Variants in STXBP5L observed in about 807,000 individuals in gnomAD.
The protein encoded by STXBP5L is syntaxin binding protein 5L.
In STXBP5L, 65 loss-of-function variants were observed where a neutral mutation model predicts 144.5. The ratio of observed to expected loss-of-function variants is 0.45; its 90% CI spans 0.37 to 0.55. The LOEUF is 0.55. STXBP5L is among the 20% of genes least tolerant of loss of function. The probability of loss-of-function intolerance (pLI) is 0.00; values close to 1 mark genes in which losing one functional copy is unlikely to be tolerated. For synonymous variants in STXBP5L, 505 were observed against 469.6 expected, an observed-to-expected ratio of 1.08 and a Z score of -0.97; for missense variants, 1,298 against 1,405.5, an observed-to-expected ratio of 0.92 and a Z score of 1.22.
At chr3:120,964,431 T>TG (rs2107758019) in intron 3 of STXBP5L, among the ~76,000 whole-genome samples, 1 of 152,138 alleles carries the variant, frequency 6.6e-6, no homozygotes, top group South Asian at 2.1e-4. Context: ...ATACCCTCTA[T>TG]ACACTGCTTA....
At chr3:120,996,212 G>C (rs1943334617) in intron 3 of STXBP5L, among the ~76,000 whole-genome samples, 1 of 151,800 alleles carries the variant, frequency 6.6e-6, no homozygotes, top group African/African-American at 2.4e-5. Context: ...GCTTAATTAT[G>C]ATGTGCCTTG....
At chr3:121,397,601 C>T (rs963192622) in intron 22 of STXBP5L, among the ~76,000 whole-genome samples, 2 of 152,100 alleles carry the variant, frequency 1.3e-5, no homozygotes, top group Non-Finnish European at 2.9e-5. Context: ...CCACTTGAAG[C>T]GGTACTTTCA....
In STXBP5L at chr3:121,166,847, CAG is replaced by C. The variant is rs372886944; in HGVS notation, c.877+9222_877+9223del. Among the ~76,000 whole-genome samples, 3 of 152,048 alleles carry C rather than the reference CAG, an allele frequency of 2.0e-5. No homozygotes were observed. The East Asian group carries it at 5.8e-4, about 29-fold the overall frequency. On this transcript the variant is annotated intron_variant, in intron 9 of 26. Coordinates refer to ENST00000471454, the MANE Select transcript of STXBP5L (RefSeq NM_001308330.2). The stretch of plus-strand genomic sequence containing the variant: ...ATCTGCAACTTATTCTCAAATAGCT[CAG>C]AAGTGAAATAATAGCATATAAAGAG...
chr3:121,031,628 C>G (rs1946376736), intron 3 of STXBP5L, among the ~76,000 whole-genome samples: 1 of 151,970 alleles, frequency 6.6e-6, no homozygotes. Flanking sequence ...GAAGGGTAAC[C>G]TGCTGTATTC....
At chr3:120,979,164 G>T (rs1014631103) in intron 3 of STXBP5L, among the ~76,000 whole-genome samples, 1 of 152,212 alleles carries the variant, frequency 6.6e-6, no homozygotes, top group East Asian at 1.9e-4. Context: ...AGCCTACAGA[G>T]GCAGGCAGGC....
intron 18 of STXBP5L, among the ~76,000 whole-genome samples, chr3:121,265,557 A>C (rs571967797): frequency 3.8e-4 from 58 of 152,316 alleles, no homozygotes; most frequent in African/African-American, 1.4e-3. Context: ...TCACAATAAA[A>C]AGAGCTAGAA....
At chr3:120,944,538 A>G (rs1236552169) in intron 2 of STXBP5L, among the ~76,000 whole-genome samples, 1 of 151,764 alleles carries the variant, frequency 6.6e-6, no homozygotes, top group African/African-American at 2.4e-5. Flanking sequence ...TTATTCTTTT[A>G]ACAATTTAAT....
intron 9 of STXBP5L, among the ~76,000 whole-genome samples, chr3:121,191,122 A>G (rs1577166801): frequency 6.6e-6 from 1 of 152,086 alleles, no homozygotes; most frequent in Admixed American, 6.5e-5. Flanking sequence ...GACACTCCTC[A>G]CTTTCTAGAC....
At chr3:121,090,375 C>T (rs766255615) in intron 5 of STXBP5L, among the ~76,000 whole-genome samples, 16 of 152,094 alleles carry the variant, frequency 1.1e-4, no homozygotes, top group Non-Finnish European at 1.8e-4. Flanking sequence ...CCTCTTTTAC[C>T]CCTCTTACAA....
rs534150505 is a variant in STXBP5L, at chr3:121,130,749, A to G, written c.669+9045A>G. Among the ~76,000 whole-genome samples the G allele has an allele frequency of 7.2e-5, 11 of 152,306 alleles. No homozygotes were observed. The South Asian group carries it at 2.1e-3, about 29-fold the overall frequency. On this transcript the variant is annotated intron_variant, in intron 7 of 26. Coordinates refer to ENST00000471454, the MANE Select transcript of STXBP5L (RefSeq NM_001308330.2). ...ATGAATAATGACACGATAATTTAAA[A>G]TTCAGAAAAATTTTCTTCCACTTGA...
At chr3:120,930,523 A>G (rs1709875565) in intron 2 of STXBP5L, among the ~76,000 whole-genome samples, 1 of 152,068 alleles carries the variant, frequency 6.6e-6, no homozygotes. Flanking sequence ...TGGTTATAAA[A>G]TCCTTGACTT....
At chr3:121,084,412 G>A (rs776394007) in intron 5 of STXBP5L, among the ~76,000 whole-genome samples, 4 of 151,942 alleles carry the variant, frequency 2.6e-5, no homozygotes, top group East Asian at 1.9e-4. Flanking sequence ...CTTCTTCCAC[G>A]TGTTTTCATT....
intron 12 of STXBP5L, among the ~76,000 whole-genome samples, chr3:121,236,862 G>A (rs923091591): frequency 6.6e-6 from 1 of 152,218 alleles, no homozygotes; most frequent in Non-Finnish European, 1.5e-5. Context: ...AGGTAAAAAT[G>A]GTTGTATAGG....
At chr3:120,969,065 G>T (rs1264423872) in intron 3 of STXBP5L, among the ~76,000 whole-genome samples, 2 of 152,184 alleles carry the variant, frequency 1.3e-5, no homozygotes, top group Admixed American at 6.5e-5. Context: ...TCAGTAGTGG[G>T]ATTGCTAGAT....
At chr3:121,187,103 A>T (rs1329352909) in intron 9 of STXBP5L, among the ~76,000 whole-genome samples, 1 of 152,188 alleles carries the variant, frequency 6.6e-6, no homozygotes, top group Non-Finnish European at 1.5e-5. Flanking sequence ...TGCTATAAAG[A>T]CACATGCACA....
intron 2 of STXBP5L, among the ~76,000 whole-genome samples, chr3:120,938,875 G>T (rs1031009030): frequency 1.4e-4 from 21 of 152,036 alleles, no homozygotes; most frequent in African/African-American, 5.1e-4. Flanking sequence ...CGAACTCCTG[G>T]GTTGAAGGGA....
rs751896123 is a variant in STXBP5L at position 120,954,941 on chromosome 3, C to G, written c.191C>G (p.Thr64Arg). 18 of 1,610,900 alleles carry G rather than the reference C, an allele frequency of 1.1e-5. No individual in the cohort carries two copies. The highest frequency in any genetic ancestry group is 1.7e-5 in the Admixed American group (1 of 59,632). ...TTGGTATTATTTGCTCTCTTTCAGA[C>G]AGTTCGGCATGGTTTTCCTCATCAG... ...LTSEYFQICK[T>R]VRHGFPHQPT... The change falls in exon 3 of 27, where the codon ACA (threonine) becomes AGA (arginine). Residue 64 changes from threonine (T) to arginine (R), a missense_variant and splice_region_variant. Thr to Arg is a moderately conservative substitution (Grantham distance 71, BLOSUM62 -1). Transcript: ENST00000471454.
intron 24 of STXBP5L, among the ~76,000 whole-genome samples, chr3:121,414,053 A>C (rs1267801194): frequency 6.6e-6 from 1 of 152,186 alleles, no homozygotes; most frequent in Non-Finnish European, 1.5e-5. Flanking sequence ...GTAAGAATTC[A>C]TATAAAAGAC....
intron 5 of STXBP5L, among the ~76,000 whole-genome samples, chr3:121,085,387 G>C (rs927754583): frequency 2.0e-5 from 3 of 152,112 alleles, no homozygotes; most frequent in Non-Finnish European, 4.4e-5. Flanking sequence ...ACCTGTCTCT[G>C]TTTGAAGATA....
Sources: allele counts gnomAD v4.1 joint callset (sites outside exome capture counted in the v4.1 genomes callset), GRCh38; gene constraint gnomAD v4.1.1; transcripts MANE v1.5; gene names NCBI Gene and HGNC (gene_info 2026-07-23, HGNC 2026-07-21).